The following GULP1 variants were observed in gnomAD, a reference collection of about 807,000 sequenced individuals.
GULP1 encodes the protein PTB domain-containing engulfment adapter protein 1.
GULP1 carries 19 observed loss-of-function variants against 40.9 expected under a neutral mutation model. The observed-to-expected ratio is 0.46, with a 90% CI of 0.32 to 0.68. The LOEUF is 0.68. Ranked by LOEUF, GULP1 falls within the 30% of genes least tolerant of loss-of-function variation. The pLI is 0.03. For synonymous variants in GULP1, 119 were observed against 117.6 expected (o/e 1.01, Z -0.08); for missense variants, 312 against 362.2 (o/e 0.86, Z 1.12).
intron 7 of GULP1, among the ~76,000 whole-genome samples, chr2:188,556,834 G>A (rs886264182): frequency 2.0e-5 from 3 of 152,008 alleles, no homozygotes; most frequent in Non-Finnish European, 1.5e-5. Context: ...AGGAGATCGA[G>A]ACCACGGTGA....
At chr2:188,570,157 TG>T in intron 9 of GULP1, 37 bp downstream of exon 9, 1 of 856,728 alleles carries the variant, frequency 1.2e-6, no homozygotes, top group Non-Finnish European at 1.9e-6. Context: ...CAAGATTTTA[TG>T]GTGATAAAAC....
chr2:188,570,106 G>T lies in GULP1; in HGVS notation c.595G>T (p.Val199Leu), dbSNP rs143831338. 2 of 1,405,390 alleles carry T rather than the reference G, an allele frequency of 1.4e-6. No individual in the cohort carries two copies. The highest frequency in any genetic ancestry group is 3.8e-5 in the Admixed American group (2 of 52,920). 87.1% of individuals were successfully genotyped at this position (1,405,390 alleles called of 1,614,324 possible). A position where few individuals can be genotyped will look rare whatever the true frequency, so the allele number is the denominator to read the frequency against. ...DLENQLRITQVSAPPAGSMTP... is the reference protein window; with the variant it reads ...DLENQLRITQLSAPPAGSMTP... ...GGAAAACCAACTGAGAATAACTCAA[G>T]TATCAGCACCTCCAGTGAGTATATT... Residue 199 changes from valine to leucine, a missense_variant, in exon 9 of 12, where the codon GTA (valine) becomes TTA (leucine). By Grantham distance (32) the Val-to-Leu change is conservative (BLOSUM62 1). Coordinates refer to ENST00000409830, the MANE Select transcript of GULP1 (RefSeq NM_016315.4).
chr2:188,510,782 G>A (rs1264884582), intron 4 of GULP1, among the ~76,000 whole-genome samples: 1 of 149,278 alleles, frequency 6.7e-6, no homozygotes, highest in African/African-American at 2.5e-5. Context: ...AAGAATAAAT[G>A]TTTGAAAGTA....
At position 188,330,789 on chromosome 2, in the gene GULP1, G is replaced by A. The variant is rs545314016; in HGVS notation, c.-172+38623G>A. 7.9e-5 allele frequency among the ~76,000 whole-genome samples: 12 copies of A among 152,168 alleles called. 2 individuals are homozygous for A. The South Asian group carries it at 2.5e-3, about 32-fold the overall frequency. On this transcript the variant is annotated intron_variant, in intron 1 of 11. Transcript: ENST00000409830. ...GTATTCTTTGTTTGAAAATGAAAAG[G>A]TTCATCTGGATTACTGGTGTTTCCA... is the stretch of plus-strand genomic sequence containing the variant.
intron 4 of GULP1, among the ~76,000 whole-genome samples, chr2:188,499,521 A>G (rs988783545): frequency 5.9e-5 from 9 of 151,794 alleles, no homozygotes; most frequent in Non-Finnish European, 1.2e-4. Flanking sequence ...TCTGCTAAAT[A>G]TTACTACCTT....
At chr2:188,379,819 T>A (rs2048782962) in intron 1 of GULP1, among the ~76,000 whole-genome samples, 1 of 152,196 alleles carries the variant, frequency 6.6e-6, no homozygotes, top group Non-Finnish European at 1.5e-5. Context: ...GAAGATGGCG[T>A]GTTCGTTCTT....
chr2:188,446,851 C>A (rs936674965), intron 2 of GULP1, among the ~76,000 whole-genome samples: 11 of 23,460 alleles, frequency 4.7e-4, no homozygotes, highest in African/African-American at 7.2e-4. Flanking sequence ...TGGTCACTTT[C>A]ATTGAGTGAT....
Position 188,541,279 on chromosome 2 carries a change from A to C in GULP1, c.360A>C (p.Ser120=). The C allele has an allele frequency of 6.2e-7, 1 of 1,612,750 alleles. No homozygotes were observed. Among genetic ancestry groups the C allele is most frequent in the Non-Finnish European group, 8.5e-7 (1 of 1,178,788 alleles). The change falls in exon 7 of 12, where the codon TCA becomes TCC. Residue 120 remains serine, a synonymous_variant. Transcript: ENST00000409830. ...CTTTCATATGCAAAGATTCTGAGTC[A>C]AATAAACATTTGTGCTATGTATTTG... The part of the protein sequence containing the change: ...IFTFICKDSE[S]NKHLCYVFDS...
At chr2:188,404,933 C>T (rs1310135771) in intron 2 of GULP1, among the ~76,000 whole-genome samples, 1 of 152,076 alleles carries the variant, frequency 6.6e-6, no homozygotes, top group Non-Finnish European at 1.5e-5. Context: ...GACACAGGCT[C>T]TAAGCCTGCC....
chr2:188,408,306 A>G (rs960048791), intron 2 of GULP1, among the ~76,000 whole-genome samples: 1 of 152,172 alleles, frequency 6.6e-6, no homozygotes. Context: ...TCTATTGTTT[A>G]TTATTTACTT....
chr2:188,308,366 T>G (rs1406239750), intron 1 of GULP1, among the ~76,000 whole-genome samples: 3 of 152,176 alleles, frequency 2.0e-5, no homozygotes, highest in African/African-American at 7.2e-5. Context: ...GAAAAATGTT[T>G]TAGAAAATAA....
chr2:188,371,397 T>A (rs1334320084), intron 1 of GULP1, among the ~76,000 whole-genome samples: 4 of 152,124 alleles, frequency 2.6e-5, no homozygotes, highest in Non-Finnish European at 5.9e-5. Context: ...TGATAAATAG[T>A]ACAAAGGATT....
chr2:188,580,751 C>T (rs1029168804), intron 9 of GULP1, among the ~76,000 whole-genome samples: 3 of 152,048 alleles, frequency 2.0e-5, no homozygotes. Context: ...AGGGGGGCCT[C>T]CTAGCTTAAG....
chr2:188,368,939 G>GTGTATATATATATATATATATATA (rs1272494109), intron 1 of GULP1, among the ~76,000 whole-genome samples: 1 of 86,088 alleles, frequency 1.2e-5, no homozygotes, highest in African/African-American at 4.1e-5. Context: ...ATATATGTGT[G>GTGTATATATATATATATATATATA]TATATATATA....
intron 7 of GULP1, among the ~76,000 whole-genome samples, chr2:188,565,670 A>G (rs1384823951): frequency 6.6e-6 from 1 of 152,106 alleles, no homozygotes; most frequent in Non-Finnish European, 1.5e-5. Context: ...TAACAGTTAC[A>G]TTCTAGATAT....
intron 7 of GULP1, among the ~76,000 whole-genome samples, chr2:188,553,057 A>C (rs2153381757): frequency 6.6e-6 from 1 of 151,944 alleles, no homozygotes; most frequent in South Asian, 2.1e-4. Flanking sequence ...CATCTTACTA[A>C]ATTCATTTAT....
chr2:188,420,768 T>C (rs529008909), intron 2 of GULP1, among the ~76,000 whole-genome samples: 2 of 152,228 alleles, frequency 1.3e-5, no homozygotes, highest in East Asian at 3.9e-4. Flanking sequence ...ATTCATTTGG[T>C]AAAAGGGCAT....
chr2:188,327,271 T>C (rs1035432439), intron 1 of GULP1, among the ~76,000 whole-genome samples: 1 of 152,154 alleles, frequency 6.6e-6, no homozygotes. Context: ...TGTACCAACA[T>C]AGGGCTCTTT....
Position 188,352,994 on chromosome 2 carries a change from C to T in GULP1, c.-171-30769C>T, listed in dbSNP as rs116555353. Among the ~76,000 whole-genome samples the T allele has an allele frequency of 7.3e-3, 1,108 of 152,044 alleles. 9 individuals are homozygous for T. The highest frequency in any genetic ancestry group is 0.013 in the South Asian group (64 of 4,818). On this transcript the variant is annotated intron_variant, in intron 1 of 11. Transcript: ENST00000409830. ...AGTCATTTTCCCTATTGAAGTTGAT[C>T]GGTAAGGTTTTGGCAGAAACATGAG...
Sources: gnomAD v4.1 joint callset for allele counts (sites outside exome capture counted in the v4.1 genomes callset) on GRCh38, gnomAD v4.1.1 for gene constraint, MANE v1.5 for transcripts, NCBI Gene and HGNC (gene_info 2026-07-23, HGNC 2026-07-21) for gene names.